GHR: variants seen among roughly 807,000 people sequenced by gnomAD.
The protein encoded by GHR is GH receptor.
GHR carries 35 observed loss-of-function variants against 67.1 expected under a neutral mutation model. The observed-to-expected ratio is 0.52, with a 90% CI of 0.40 to 0.69. GHR has a LOEUF of 0.69. GHR is among the 30% of genes least tolerant of loss of function. The probability of loss-of-function intolerance (pLI) is 0.00; values close to 1 mark genes in which losing one functional copy is unlikely to be tolerated. For synonymous variants in GHR, 272 were observed against 269.1 expected (o/e 1.01, Z -0.10); for missense variants, 792 against 764.6 (o/e 1.04, Z -0.42).
intron 2 of GHR, among the ~76,000 whole-genome samples, chr5:42,605,027 C>T (rs998179695): frequency 4.0e-5 from 6 of 149,972 alleles, no homozygotes; most frequent in Non-Finnish European, 5.9e-5. Flanking sequence ...CCAGTCTTGT[C>T]AAACTGGCTT....
At chr5:42,603,394 T>C (rs1182600359) in intron 2 of GHR, among the ~76,000 whole-genome samples, 1 of 152,168 alleles carries the variant, frequency 6.6e-6, no homozygotes, top group Non-Finnish European at 1.5e-5. Context: ...GTTTATTTTC[T>C]TCCCGGGACT....
chr5:42,596,006 A>T (rs565583306), intron 2 of GHR, among the ~76,000 whole-genome samples: 332 of 152,370 alleles, frequency 2.2e-3, no homozygotes, highest in South Asian at 3.7e-3. Context: ...AAAATAAATT[A>T]GAAGGGAGAA....
intron 1 of GHR, among the ~76,000 whole-genome samples, chr5:42,517,809 A>T (rs935283456): frequency 6.6e-6 from 1 of 151,994 alleles, no homozygotes; most frequent in African/African-American, 2.4e-5. Flanking sequence ...CATTATTAAA[A>T]CAACATGTCT....
At chr5:42,604,748 T>A (rs1240726767) in intron 2 of GHR, among the ~76,000 whole-genome samples, 2 of 152,142 alleles carry the variant, frequency 1.3e-5, no homozygotes, top group Middle Eastern at 3.4e-3. Flanking sequence ...TACTGTATTA[T>A]TTATTTCCAT....
chr5:42,442,755 G>GA (rs747394122), intron 1 of GHR, among the ~76,000 whole-genome samples: 35 of 152,218 alleles, frequency 2.3e-4, no homozygotes, highest in Admixed American at 1.6e-3. Context: ...AGACTATTGT[G>GA]AAAAAACATA....
intron 2 of GHR, among the ~76,000 whole-genome samples, chr5:42,581,441 G>A (rs1751164317): frequency 6.6e-6 from 1 of 152,194 alleles, no homozygotes; most frequent in Non-Finnish European, 1.5e-5. Flanking sequence ...TTTCTCTAGA[G>A]ACAGGTTGCT....
chr5:42,679,576 G>T (rs1756755032), intron 3 of GHR, among the ~76,000 whole-genome samples: 1 of 151,540 alleles, frequency 6.6e-6, no homozygotes, highest in South Asian at 2.1e-4. Flanking sequence ...AGTGAGCCGA[G>T]ATCATGGCAC....
At chr5:42,582,089 A>G (rs1171475301) in intron 2 of GHR, among the ~76,000 whole-genome samples, 4 of 152,218 alleles carry the variant, frequency 2.6e-5, no homozygotes, top group African/African-American at 2.4e-5. Flanking sequence ...ACCAACCAGC[A>G]TGGGAGGGAG....
intron 1 of GHR, among the ~76,000 whole-genome samples, chr5:42,491,306 T>C (rs1482157563): frequency 3.9e-5 from 6 of 152,238 alleles, no homozygotes; most frequent in Non-Finnish European, 1.5e-5. Context: ...ATTCATTAAG[T>C]ACTCATACAA....
intron 6 of GHR, among the ~76,000 whole-genome samples, chr5:42,706,252 T>G (rs1002147936): frequency 6.6e-6 from 1 of 152,142 alleles, no homozygotes; most frequent in African/African-American, 2.4e-5. Context: ...TGTTTGTTTT[T>G]GGCTTGTTGA....
intron 5 of GHR, 98 bp downstream of exon 5, chr5:42,695,187 A>G: frequency 1.2e-6 from 1 of 827,306 alleles, no homozygotes; most frequent in East Asian, 2.5e-5. Flanking sequence ...AGACTTTGTA[A>G]CAGTGTTCTA....
At chr5:42,554,264 T>C (rs1209003662) in intron 1 of GHR, among the ~76,000 whole-genome samples, 1 of 151,968 alleles carries the variant, frequency 6.6e-6, no homozygotes, top group Non-Finnish European at 1.5e-5. Context: ...ATTTTGGAGA[T>C]AAAGAAGTTG....
intron 2 of GHR, among the ~76,000 whole-genome samples, chr5:42,603,849 G>A (rs1031375837): frequency 3.3e-5 from 5 of 152,048 alleles, no homozygotes; most frequent in Non-Finnish European, 7.4e-5. Flanking sequence ...CAGATTGGGG[G>A]CTCAGTCCCC....
In GHR at chr5:42,721,420, C is replaced by A. The variant is rs1294546669; in HGVS notation, c.*1996C>A. On this transcript the variant is annotated 3_prime_UTR_variant, in exon 10 of 10. Transcript: ENST00000230882. ...GCTTAATGGCTGATAATTTTAAATTCTCTCTCTTGCAGGAAGGACTATGAA... is the reference window on the plus strand; with the variant it reads ...GCTTAATGGCTGATAATTTTAAATTATCTCTCTTGCAGGAAGGACTATGAA... 4 of 152,182 alleles carry A rather than the reference C, an allele frequency of 2.6e-5. No individual in the cohort carries two copies. Among genetic ancestry groups the A allele is most frequent in the Non-Finnish European group, 4.4e-5 (3 of 68,004 alleles). The allele number at this position is 152,182 out of a possible 1,614,324, so 9.4% of individuals were successfully genotyped here. A position where few individuals can be genotyped will look rare whatever the true frequency, so the allele number is the denominator to read the frequency against.
intron 1 of GHR, among the ~76,000 whole-genome samples, chr5:42,551,890 G>T (rs972196482): frequency 3.3e-5 from 5 of 152,186 alleles, no homozygotes; most frequent in Admixed American, 3.3e-4. Flanking sequence ...GATCACAAGT[G>T]GTTGAAAAGT....
In GHR at chr5:42,676,022, C is replaced by T. The variant is rs187347747; in HGVS notation, c.137-12868C>T. Among the ~76,000 whole-genome samples the T allele has an allele frequency of 9.5e-4, 145 of 152,292 alleles. 2 individuals carry two copies. The East Asian group carries it at 0.023, about 24-fold the overall frequency. ...AAGAAATTGGCTGGGTATGGTGGCT[C>T]ACGCCTGTAATCCCAGCACTTTGGG... On this transcript the variant is annotated intron_variant, in intron 3 of 9. Coordinates refer to ENST00000230882, the MANE Select transcript of GHR (RefSeq NM_000163.5).
chr5:42,623,110 A>T (rs73751223), intron 2 of GHR, among the ~76,000 whole-genome samples: 1 of 152,196 alleles, frequency 6.6e-6, no homozygotes, highest in Non-Finnish European at 1.5e-5. Context: ...ATAAGCATAT[A>T]TAACACTTAC....
chr5:42,432,192 A>G (rs1326552478), intron 1 of GHR, among the ~76,000 whole-genome samples: 13 of 152,186 alleles, frequency 8.5e-5, no homozygotes, highest in Admixed American at 8.5e-4. Context: ...ACAAGTGATA[A>G]AGTCCAAAGA....
rs181755810 is a variant in GHR at position 42,675,510 on chromosome 5, A to G, written c.137-13380A>G. On this transcript the variant is annotated intron_variant, in intron 3 of 9. Transcript: ENST00000230882. ...CACTCTTTCTAAGATGATTAAATGAAATAATTTGAAAGGCAATAAACTAAC... is the reference window on the plus strand; with the variant it reads ...CACTCTTTCTAAGATGATTAAATGAGATAATTTGAAAGGCAATAAACTAAC... 2.0e-5 allele frequency among the ~76,000 whole-genome samples: 3 copies of G among 152,338 alleles called. No homozygotes were observed. The East Asian group carries it at 5.8e-4, about 29-fold the overall frequency.
Sources: allele counts gnomAD v4.1 joint callset (sites outside exome capture counted in the v4.1 genomes callset), GRCh38; gene constraint gnomAD v4.1.1; transcripts MANE v1.5; gene names NCBI Gene and HGNC (gene_info 2026-07-23, HGNC 2026-07-21).